AFF1: variants seen among roughly 807,000 people sequenced by gnomAD.
AFF1 encodes the protein AF4/FMR2 family member 1.
In AFF1, 48 loss-of-function variants were observed where a neutral mutation model predicts 121.7. The observed-to-expected ratio is 0.39, with a 90% CI of 0.31 to 0.50. AFF1 has a LOEUF of 0.50. AFF1 is among the 20% of genes least tolerant of loss of function. AFF1 has a pLI of 0.76. For synonymous variants in AFF1, 613 were observed against 563.0 expected (o/e 1.09, Z -1.26); for missense variants, 1,523 against 1,511.7 (o/e 1.01, Z -0.12).
intron 2 of AFF1, among the ~76,000 whole-genome samples, chr4:87,011,533 T>A (rs893174987): frequency 6.6e-6 from 1 of 152,120 alleles, no homozygotes; most frequent in African/African-American, 2.4e-5. Flanking sequence ...TGGAAGAAAA[T>A]TCATGAATGC....
At chr4:87,020,775 G>T (rs1727819763) in intron 2 of AFF1, 1 of 984,936 alleles carries the variant, frequency 1.0e-6, no homozygotes, top group African/African-American at 1.7e-5. Context: ...GGATTACCAT[G>T]CCCAGTAATG....
At chr4:86,941,821 A>G (rs1720480562) in intron 1 of AFF1, among the ~76,000 whole-genome samples, 1 of 151,888 alleles carries the variant, frequency 6.6e-6, no homozygotes, top group Non-Finnish European at 1.5e-5. Flanking sequence ...GCAACAGAGC[A>G]AGACCCTGTC....
chr4:87,095,070 T>C (rs1200744201), intron 8 of AFF1, 101 bp downstream of exon 8: 1 of 1,095,346 alleles, frequency 9.1e-7, no homozygotes, highest in East Asian at 2.5e-5. Flanking sequence ...TGTAATGACA[T>C]TAATAAGACT....
chr4:86,992,784 A>G (rs1159573566), intron 2 of AFF1, among the ~76,000 whole-genome samples: 3 of 152,264 alleles, frequency 2.0e-5, no homozygotes, highest in East Asian at 3.8e-4. Flanking sequence ...AACATGATGT[A>G]TAAAATGACA....
In AFF1 at chr4:86,959,489, CTCT is replaced by C. The variant is rs1345983623; in HGVS notation, c.38+10920_38+10922del. On this transcript the variant is annotated intron_variant, in intron 2 of 20. Transcript: ENST00000395146. ...CACTCCCTTTTAAAGTTCCTTAATA[CTCT>C]TTTTTTTTTTTTTTTCCCAATGTGA... Among the ~76,000 whole-genome samples the C allele has an allele frequency of 8.9e-3, 808 of 90,496 alleles. 4 individuals carry two copies. Among genetic ancestry groups the C allele is most frequent in the Middle Eastern group, 0.042 (7 of 168 alleles). The allele number at this position is 90,496 out of a possible 152,430, so 59.4% of individuals were successfully genotyped here.
chr4:86,969,662 C>CT (rs1244381299), intron 2 of AFF1, among the ~76,000 whole-genome samples: 12 of 150,316 alleles, frequency 8.0e-5, no homozygotes, highest in African/African-American at 2.9e-4. Context: ...AGGCGGATCA[C>CT]GAGGTCGGGA....
chr4:87,100,415 G>A (rs1578248971), intron 8 of AFF1, among the ~76,000 whole-genome samples: 1 of 152,058 alleles, frequency 6.6e-6, no homozygotes, highest in Admixed American at 6.6e-5. Context: ...TTGGTGTTGT[G>A]ATGACTCTCC....
At chr4:86,998,623 AC>A (rs1469899840) in intron 2 of AFF1, among the ~76,000 whole-genome samples, 1 of 152,006 alleles carries the variant, frequency 6.6e-6, no homozygotes, top group Non-Finnish European at 1.5e-5. Context: ...ACTGTATTGT[AC>A]CTGTTTTTTT....
chr4:87,090,166 A>G (rs1724156357), intron 6 of AFF1, 96 bp downstream of exon 6: 2 of 978,576 alleles, frequency 2.0e-6, no homozygotes, highest in Non-Finnish European at 3.1e-6. Context: ...ACTTGTTCAA[A>G]TCTTTGGAAA....
At chr4:87,094,338 A>G (rs975455729) in intron 7 of AFF1, among the ~76,000 whole-genome samples, 5 of 152,244 alleles carry the variant, frequency 3.3e-5, no homozygotes, top group African/African-American at 1.2e-4. Flanking sequence ...GCCTTGGATT[A>G]TAGATATTTA....
chr4:87,134,446 TTA>T (rs759983186), intron 19 of AFF1, 23 bp from the exon 20 acceptor site: 24 of 1,556,702 alleles, frequency 1.5e-5, no homozygotes, highest in African/African-American at 4.1e-5. Context: ...GACTGATCAG[TTA>T]TCTCTTCTCT....
At chr4:86,951,920 C>CT (rs35412461) in intron 2 of AFF1, among the ~76,000 whole-genome samples, 3,523 of 137,998 alleles carry the variant, frequency 0.026, 61 homozygotes, top group Non-Finnish European at 0.028. Context: ...GGCTGGGAAC[C>CT]TTTTTTTTTT....
intron 2 of AFF1, among the ~76,000 whole-genome samples, chr4:86,998,085 C>T (rs1269044868): frequency 1.1e-4 from 12 of 105,406 alleles, no homozygotes; most frequent in African/African-American, 3.2e-4. Flanking sequence ...GCAATAAGAG[C>T]GAAACTCCGT....
intron 2 of AFF1, among the ~76,000 whole-genome samples, chr4:86,994,045 T>C (rs186434196): frequency 6.6e-6 from 1 of 152,358 alleles, no homozygotes; most frequent in Admixed American, 6.5e-5. Context: ...ACTGCATTTC[T>C]TATAGGCCTC....
intron 2 of AFF1, among the ~76,000 whole-genome samples, chr4:87,021,119 T>A (rs1227441994): frequency 6.6e-6 from 1 of 152,204 alleles, no homozygotes; most frequent in African/African-American, 2.4e-5. Context: ...TGAGGTGCAC[T>A]CTCAGAATTT....
intron 11 of AFF1, among the ~76,000 whole-genome samples, chr4:87,108,658 G>A (rs535859993): frequency 6.6e-6 from 1 of 152,012 alleles, no homozygotes; most frequent in South Asian, 2.1e-4. Context: ...GTTTCAGTAG[G>A]CTGCTATTTT....
rs1475965160 is a variant in AFF1 at position 86,959,266 on chromosome 4, TTTGATCTGGGTG to T, written c.38+10699_38+10710del. Reference sequence around the variant, plus strand: ...TTGCCCAGGAGTGCCGGTATTCTGTTTTGATCTGGGTGTTGGTTACAAGAGTATATCATTTTG... The same window carrying T: ...TTGCCCAGGAGTGCCGGTATTCTGTTTTGGTTACAAGAGTATATCATTTTG... On this transcript the variant is annotated intron_variant, in intron 2 of 20. Transcript: ENST00000395146. Among the ~76,000 whole-genome samples the T allele has an allele frequency of 2.0e-5, 3 of 152,178 alleles. No homozygotes were observed. In the East Asian group the frequency reaches 5.8e-4, roughly 29 times the overall value.
chr4:87,090,046 A>G lies in AFF1; in HGVS notation c.1167A>G (p.Pro389=). Reference sequence around the variant, plus strand: ...TACATACGCCTAGTACAGCTGAGCCATCCAAGTTTCCTTTCCCTACAAAGG... The same window carrying G: ...TACATACGCCTAGTACAGCTGAGCCGTCCAAGTTTCCTTTCCCTACAAAGG... ...TAIHTPSTAE[P]SKFPFPTKDS... The change falls in exon 6 of 21, where the codon CCA becomes CCG. Residue 389 remains proline, a synonymous_variant. Coordinates refer to ENST00000395146, the MANE Select transcript of AFF1 (RefSeq NM_001166693.3). The G allele has an allele frequency of 6.2e-7, 1 of 1,613,988 alleles. No homozygotes were observed. Among genetic ancestry groups the G allele is most frequent in the South Asian group, 1.1e-5 (1 of 91,074 alleles).
At chr4:86,940,977 A>G (rs1373288154) in intron 1 of AFF1, among the ~76,000 whole-genome samples, 2 of 152,038 alleles carry the variant, frequency 1.3e-5, no homozygotes, top group African/African-American at 4.8e-5. Context: ...AATCCCAGCT[A>G]CTTGGGAGGC....
Sources: allele counts gnomAD v4.1 joint callset (sites outside exome capture counted in the v4.1 genomes callset), GRCh38; gene constraint gnomAD v4.1.1; transcripts MANE v1.5; gene names NCBI Gene and HGNC (gene_info 2026-07-23, HGNC 2026-07-21).